IYD: variants seen among roughly 807,000 people sequenced by gnomAD.
IYD encodes the protein iodotyrosine deiodinase.
A neutral mutation model predicts 28.4 loss-of-function variants in IYD; 25 were observed. That is an observed-to-expected ratio of 0.88 (90% CI 0.64 to 1.23). IYD has a LOEUF of 1.23. Ranked by LOEUF, IYD falls within the 50% of genes most tolerant of loss-of-function variation. The probability of loss-of-function intolerance (pLI) is 0.00; values close to 1 mark genes in which losing one functional copy is unlikely to be tolerated. For synonymous variants in IYD, 140 were observed against 130.8 expected (o/e 1.07, Z -0.48); for missense variants, 352 against 357.9 (o/e 0.98, Z 0.13).
In IYD at chr6:150,402,342, C is replaced by T. The variant is rs979556660; in HGVS notation, c.*4105C>T. The T allele has an allele frequency of 1.3e-5, 2 of 152,230 alleles. No homozygotes were observed. The highest frequency in any genetic ancestry group is 4.8e-5 in the African/African-American group (2 of 41,462). The allele number at this position is 152,230 out of a possible 1,614,324, so 9.4% of individuals were successfully genotyped here. ...TTGGCCTAGGAGTGACCTCCTCAGT[C>T]TCACAACCCTTTGGCTAGAACTAGT... On this transcript the variant is annotated 3_prime_UTR_variant, in exon 5 of 5. Coordinates refer to ENST00000344419, the MANE Select transcript of IYD (RefSeq NM_203395.3).
In IYD at chr6:150,400,786, C is replaced by T. The variant is rs1466142264; in HGVS notation, c.*2549C>T. The T allele has an allele frequency of 6.6e-6, 1 of 152,138 alleles. No homozygotes were observed. The highest frequency in any genetic ancestry group is 2.4e-5 in the African/African-American group (1 of 41,418). The allele number at this position is 152,138 out of a possible 1,614,324, so 9.4% of individuals were successfully genotyped here. The stretch of plus-strand genomic sequence containing the variant: ...CAAAATCTGCATTTTAACAAGATGC[C>T]CAGGTGATCTGCATGCCTGTTAAAG... On this transcript the variant is annotated 3_prime_UTR_variant, in exon 5 of 5. Transcript: ENST00000344419.
chr6:150,398,480 T>G lies in IYD; in HGVS notation c.*243T>G. On this transcript the variant is annotated 3_prime_UTR_variant, in exon 5 of 5. Coordinates refer to ENST00000344419, the MANE Select transcript of IYD (RefSeq NM_203395.3). Reference sequence around the variant, plus strand: ...ACACTTTACAAAGAACATGCCCGGGTTTTTACATTTTAAAAGTTATTCTAG... The same window carrying G: ...ACACTTTACAAAGAACATGCCCGGGGTTTTACATTTTAAAAGTTATTCTAG... 2 of 493,894 alleles carry G rather than the reference T, an allele frequency of 4.0e-6. No individual in the cohort carries two copies. Among genetic ancestry groups the G allele is most frequent in the Non-Finnish European group, 7.2e-6 (2 of 278,786 alleles). The allele number at this position is 493,894 out of a possible 1,614,324, so 30.6% of individuals were successfully genotyped here. A position where few individuals can be genotyped will look rare whatever the true frequency, so the allele number is the denominator to read the frequency against.
rs1049354217 is a variant in IYD at position 150,403,942 on chromosome 6, C to G, written c.*5705C>G. ...GTGGAGTCGCCAACTTCCTTCTACT[C>G]TAATAATTAAAAATAAAAATAATAC... On this transcript the variant is annotated 3_prime_UTR_variant, in exon 5 of 5. Coordinates refer to ENST00000344419, the MANE Select transcript of IYD (RefSeq NM_203395.3). 6.9e-5 allele frequency: 8 copies of G among 116,048 alleles called. No individual in the cohort carries two copies. The highest frequency in any genetic ancestry group is 1.8e-4 in the Non-Finnish European group (8 of 43,940). The allele number at this position is 116,048 out of a possible 1,614,324, so 7.2% of individuals were successfully genotyped here. A position where few individuals can be genotyped will look rare whatever the true frequency, so the allele number is the denominator to read the frequency against.
chr6:150,396,690 T>A lies in IYD; in HGVS notation c.688-1365T>A, dbSNP rs9397954. The A allele has an allele frequency of 7.9e-5, 26 of 330,372 alleles. 1 individual carries two copies. In the South Asian group the frequency reaches 1.0e-3, roughly 13 times the overall value. The allele number at this position is 330,372 out of a possible 1,614,324, so 20.5% of individuals were successfully genotyped here. ...GAGATCGAGACCATCCTGGCTAACATGGTGAAACCCGGCCTTTACTAAAAA... is the reference window on the plus strand; with the variant it reads ...GAGATCGAGACCATCCTGGCTAACAAGGTGAAACCCGGCCTTTACTAAAAA... On this transcript the variant is annotated intron_variant, in intron 4 of 4. Coordinates refer to ENST00000344419, the MANE Select transcript of IYD (RefSeq NM_203395.3).
intron 1 of IYD, among the ~76,000 whole-genome samples, chr6:150,381,718 T>G (rs970160547): frequency 3.9e-5 from 6 of 152,230 alleles, no homozygotes; most frequent in Non-Finnish European, 8.8e-5. Flanking sequence ...CAACTAAACA[T>G]TCCTAAACAT....
intron 1 of IYD, among the ~76,000 whole-genome samples, chr6:150,378,824 A>G (rs1777547087): frequency 6.6e-6 from 1 of 152,202 alleles, no homozygotes; most frequent in African/African-American, 2.4e-5. Context: ...TCATGCTGCT[A>G]TAAAGACACA....
rs1445882132 is a variant in IYD, at chr6:150,396,414, C to T, written c.688-1641C>T. The T allele has an allele frequency of 7.5e-5, 50 of 662,430 alleles. 2 individuals are homozygous for T. The South Asian group carries it at 7.9e-4, about 10-fold the overall frequency. 41.0% of individuals were successfully genotyped at this position (662,430 alleles called of 1,614,324 possible). On this transcript the variant is annotated intron_variant, in intron 4 of 4. Transcript: ENST00000344419. ...AAGATAAAATAATAATAGAAGTCAACTTAACATTAATAATATTAATAAGAG... is the reference window on the plus strand; with the variant it reads ...AAGATAAAATAATAATAGAAGTCAATTTAACATTAATAATATTAATAAGAG...
intron 2 of IYD, among the ~76,000 whole-genome samples, chr6:150,391,675 T>A (rs1047630815): frequency 6.6e-6 from 1 of 152,170 alleles, no homozygotes; most frequent in African/African-American, 2.4e-5. Flanking sequence ...TTTTCCAGAT[T>A]ATCTAACTTC....
chr6:150,394,574 C>T (rs1448070326), intron 4 of IYD, among the ~76,000 whole-genome samples: 6 of 152,224 alleles, frequency 3.9e-5, no homozygotes, highest in Admixed American at 3.9e-4. Context: ...AGGCTAACTC[C>T]CTGGATACGT....
intron 1 of IYD, among the ~76,000 whole-genome samples, chr6:150,374,725 T>TG (rs1777383530): frequency 2.0e-5 from 3 of 152,146 alleles, no homozygotes; most frequent in Admixed American, 6.5e-5. Flanking sequence ...GAGATTTGGG[T>TG]AGCGACACAG....
rs2115019784 is a variant in IYD at position 150,376,069 on chromosome 6, A to G, written c.178+6860A>G. Among the ~76,000 whole-genome samples the G allele has an allele frequency of 2.0e-5, 3 of 152,348 alleles. No individual in the cohort carries two copies. In the Middle Eastern group the frequency reaches 0.01, roughly 518 times the overall value. On this transcript the variant is annotated intron_variant, in intron 1 of 4. Coordinates refer to ENST00000344419, the MANE Select transcript of IYD (RefSeq NM_203395.3). ...GCTGGCTAAACCTAATTATGGCACA[A>G]TTAACGGATTCCTTGGCATTAAAGC... is the stretch of plus-strand genomic sequence containing the variant.
At chr6:150,395,148 C>G (rs113355213) in intron 4 of IYD, among the ~76,000 whole-genome samples, 2,509 of 152,268 alleles carry the variant, frequency 0.016, 65 homozygotes, top group African/African-American at 0.057. Flanking sequence ...GTGGCAGTTC[C>G]TGGGAGCCAC....
rs1317406898 is a variant in IYD, at chr6:150,389,371, A to C, written c.198A>C (p.Glu66Asp). 1 of 1,613,824 alleles carries C rather than the reference A, an allele frequency of 6.2e-7. No individual in the cohort carries two copies. The highest frequency in any genetic ancestry group is 1.7e-5 in the Admixed American group (1 of 60,028). Reference protein sequence around the residue: ...QAEEDADEWQESEENVEHIPF... With the variant: ...QAEEDADEWQDSEENVEHIPF... ...TTGCAGATGCTGATGAATGGCAAGA[A>C]TCAGAAGAAAATGTTGAACACATCC... The change falls in exon 2 of 5, where the codon GAA (glutamate) becomes GAC (aspartate). Residue 66 changes from glutamate to aspartate, a missense_variant. Transcript: ENST00000344419.
Position 150,401,391 on chromosome 6 carries a change from A to G in IYD, c.*3154A>G, listed in dbSNP as rs1453643151. 1 of 152,190 alleles carries G rather than the reference A, an allele frequency of 6.6e-6. No individual in the cohort carries two copies. Among genetic ancestry groups the G allele is most frequent in the Non-Finnish European group, 1.5e-5 (1 of 68,048 alleles). 9.4% of individuals were successfully genotyped at this position (152,190 alleles called of 1,614,324 possible). On this transcript the variant is annotated 3_prime_UTR_variant, in exon 5 of 5. Coordinates refer to ENST00000344419, the MANE Select transcript of IYD (RefSeq NM_203395.3). The stretch of plus-strand genomic sequence containing the variant: ...TTGCAGGGAACCGACTGAGTAATGA[A>G]GAAGAGGAAGGAAGCCCTTGGAAGG...
At chr6:150,387,622 C>T (rs924074334) in intron 1 of IYD, among the ~76,000 whole-genome samples, 5 of 151,940 alleles carry the variant, frequency 3.3e-5, no homozygotes, top group Non-Finnish European at 5.9e-5. Flanking sequence ...TTGCCCTTTC[C>T]TCTATATTTT....
At position 150,404,313 on chromosome 6, in the gene IYD, C is replaced by T. The variant is rs1019899420; in HGVS notation, c.*6076C>T. On this transcript the variant is annotated 3_prime_UTR_variant, in exon 5 of 5. Coordinates refer to ENST00000344419, the MANE Select transcript of IYD (RefSeq NM_203395.3). ...TTTAGGACTAATCTTGTGTATGCTC[C>T]TTAAGTGATTTGAATCTTTAAAAAG... is the stretch of plus-strand genomic sequence containing the variant. 1.3e-5 allele frequency: 2 copies of T among 152,074 alleles called. No individual in the cohort carries two copies. Among genetic ancestry groups the T allele is most frequent in the African/African-American group, 4.8e-5 (2 of 41,404 alleles). The allele number at this position is 152,074 out of a possible 1,614,324, so 9.4% of individuals were successfully genotyped here. A position where few individuals can be genotyped will look rare whatever the true frequency, so the allele number is the denominator to read the frequency against.
chr6:150,393,945 T>A (rs1173112232), intron 3 of IYD, among the ~76,000 whole-genome samples, 154 bp from the exon 4 acceptor site: 1 of 152,134 alleles, frequency 6.6e-6, no homozygotes, highest in Non-Finnish European at 1.5e-5. Context: ...TCAGAAAAAG[T>A]GGAATGAGAC....
chr6:150,387,611 C>A (rs1174587536), intron 1 of IYD, among the ~76,000 whole-genome samples: 1 of 152,004 alleles, frequency 6.6e-6, no homozygotes, highest in Non-Finnish European at 1.5e-5. Flanking sequence ...TCTATTTTTT[C>A]TTGCCCTTTC....
At chr6:150,378,146 C>T (rs983806137) in intron 1 of IYD, among the ~76,000 whole-genome samples, 1 of 152,054 alleles carries the variant, frequency 6.6e-6, no homozygotes, top group Admixed American at 6.6e-5. Flanking sequence ...GGTCTTTGAC[C>T]TTCTTCCACT....
Sources: allele counts gnomAD v4.1 joint callset (sites outside exome capture counted in the v4.1 genomes callset), GRCh38; gene constraint gnomAD v4.1.1; transcripts MANE v1.5; gene names NCBI Gene and HGNC (gene_info 2026-07-23, HGNC 2026-07-21).